Variants in SERPINE3 observed in about 807,000 individuals in gnomAD.
The protein encoded by SERPINE3 is serpin family E member 3, also known as serpin E3.
SERPINE3 carries 43 observed loss-of-function variants against 41.7 expected under a neutral mutation model. The ratio of observed to expected loss-of-function variants is 1.03; its 90% CI spans 0.81 to 1.33. SERPINE3 has a LOEUF of 1.33. Ranked by LOEUF, SERPINE3 falls within the 40% of genes most tolerant of loss-of-function variation. The pLI is 0.00. For missense variants in SERPINE3, 440 were observed against 491.7 expected, an observed-to-expected ratio of 0.89 and a Z score of 0.99; for synonymous variants, 200 against 192.2, an observed-to-expected ratio of 1.04 and a Z score of -0.34.
chr13:51,344,274 G>T lies in SERPINE3; in HGVS notation c.279G>T (p.Leu93Phe). The T allele has an allele frequency of 6.2e-7, 1 of 1,613,866 alleles. No homozygotes were observed. The highest frequency in any genetic ancestry group is 8.5e-7 in the Non-Finnish European group (1 of 1,179,816). Residue 93 changes from leucine to phenylalanine, a missense_variant, in exon 4 of 10, where the codon TTG becomes TTT. Coordinates refer to ENST00000681248, the MANE Select transcript of SERPINE3 (RefSeq NM_001386375.1). ...CAGACAAAAGGGTGAAAGATTTCTT[G>T]CATGCTGTTTATGCCACACTACCCA... The part of the protein sequence containing the change: ...TVHDKRVKDF[L>F]HAVYATLPTS...
rs561107680 is a variant in SERPINE3 at position 51,347,361 on chromosome 13, T to C, written c.700+127T>C. Reference sequence around the variant, plus strand: ...TTTCCGCAGGGTCCATCTGCTGGACTGGGCATGCATGGCGGAAGGAAAGAC... The same window carrying C: ...TTTCCGCAGGGTCCATCTGCTGGACCGGGCATGCATGGCGGAAGGAAAGAC... On this transcript the variant is annotated intron_variant, in intron 5 of 9. Transcript: ENST00000681248. 2.3e-5 allele frequency: 18 copies of C among 768,892 alleles called. No individual in the cohort carries two copies. In the East Asian group the frequency reaches 4.6e-4, roughly 20 times the overall value. 47.6% of individuals were successfully genotyped at this position (768,892 alleles called of 1,614,324 possible).
At chr13:51,351,007 T>C (rs1011382096) in intron 6 of SERPINE3, among the ~76,000 whole-genome samples, 2 of 152,200 alleles carry the variant, frequency 1.3e-5, no homozygotes, top group African/African-American at 2.4e-5. Flanking sequence ...TAATATTCCA[T>C]TGTATTGATA....
chr13:51,341,127 C>T lies in SERPINE3; in HGVS notation c.36C>T (p.His12=). ...PPFLITLFLF[H]SCCLRANGHL... Reference sequence around the variant, plus strand: ...TCCTGATCACCCTCTTCCTCTTTCACTCTTGCTGCCTCCGAGCAAATGGCC... The same window carrying T: ...TCCTGATCACCCTCTTCCTCTTTCATTCTTGCTGCCTCCGAGCAAATGGCC... The change falls in exon 3 of 10, where the codon CAC becomes CAT. Residue 12 remains histidine, a synonymous_variant. Transcript: ENST00000681248. The T allele has an allele frequency of 6.2e-7, 1 of 1,614,054 alleles. No homozygotes were observed. Among genetic ancestry groups the T allele is most frequent in the Non-Finnish European group, 8.5e-7 (1 of 1,179,900 alleles).
chr13:51,358,921 G>A (rs888320741), intron 7 of SERPINE3, among the ~76,000 whole-genome samples: 9 of 152,186 alleles, frequency 5.9e-5, no homozygotes, highest in African/African-American at 2.2e-4. Context: ...ACAGAGAATG[G>A]TGTGGGTGGT....
chr13:51,348,581 C>T (rs1251434899), intron 6 of SERPINE3, 170 bp downstream of exon 6: 2 of 591,732 alleles, frequency 3.4e-6, no homozygotes, highest in African/African-American at 2.0e-5. Context: ...AGTTTGAGTT[C>T]ATTTCAGAGC....
chr13:51,364,279 C>A lies in SERPINE3; in HGVS notation c.1212C>A (p.Asp404Glu), dbSNP rs1157500621. The A allele has an allele frequency of 1.0e-5, 15 of 1,469,252 alleles. No individual in the cohort carries two copies. Among genetic ancestry groups the A allele is most frequent in the Non-Finnish European group, 1.4e-5 (15 of 1,094,070 alleles). 91.0% of individuals were successfully genotyped at this position (1,469,252 alleles called of 1,614,324 possible). ...TTGGGAGAGTTTCAAATCCCCTAGACTAAATGCATGTTCTCCACTTTCATC... is the reference window on the plus strand; with the variant it reads ...TTGGGAGAGTTTCAAATCCCCTAGAATAAATGCATGTTCTCCACTTTCATC... Reference protein sequence around the residue: ...FSIGRVSNPLD With the variant: ...FSIGRVSNPLE Residue 404 changes from aspartate (D) to glutamate (E), a missense_variant, in exon 10 of 10, where the codon GAC (aspartate) becomes GAA (glutamate). Asp to Glu is a conservative substitution (Grantham distance 45). Transcript: ENST00000681248.
At chr13:51,359,594 T>C (rs1955530634) in intron 7 of SERPINE3, among the ~76,000 whole-genome samples, 1 of 152,096 alleles carries the variant, frequency 6.6e-6, no homozygotes, top group Admixed American at 6.6e-5. Flanking sequence ...CTGGTCTCAT[T>C]TCTCACACTG....
intron 1 of SERPINE3, 97 bp downstream of exon 1, chr13:51,339,840 G>A (rs1955273149): frequency 6.6e-6 from 1 of 152,188 alleles, no homozygotes; most frequent in South Asian, 2.1e-4. Flanking sequence ...GTTCTTGTGG[G>A]AGATGGGAGG....
chr13:51,357,421 C>T (rs1443809554), intron 7 of SERPINE3, among the ~76,000 whole-genome samples: 1 of 152,134 alleles, frequency 6.6e-6, no homozygotes, highest in African/African-American at 2.4e-5. Flanking sequence ...TCAGAAAATA[C>T]TGGCCTCTCC....
At chr13:51,351,501 T>G (rs1411658410) in intron 6 of SERPINE3, among the ~76,000 whole-genome samples, 1 of 152,158 alleles carries the variant, frequency 6.6e-6, no homozygotes, top group Non-Finnish European at 1.5e-5. Context: ...CTTTTTATTA[T>G]TGAGTTGTAA....
At position 51,344,377 on chromosome 13, in the gene SERPINE3, G is replaced by A. The variant is rs1445186771; in HGVS notation, c.382G>A (p.Val128Met). 1.2e-6 allele frequency: 2 copies of A among 1,613,148 alleles called. No homozygotes were observed. The highest frequency in any genetic ancestry group is 1.7e-6 in the Non-Finnish European group (2 of 1,179,652). The change falls in exon 4 of 10, where the codon GTG (valine) becomes ATG (methionine). Residue 128 changes from valine to methionine, a missense_variant. Coordinates refer to ENST00000681248, the MANE Select transcript of SERPINE3 (RefSeq NM_001386375.1). ...QVGTPLSPCF[V>M]EHVSWWANSS... Reference sequence around the variant, plus strand: ...GGGAACGCCACTGTCCCCCTGCTTTGTGGAGCACGTCTCCTGGTGGGCTAA... The same window carrying A: ...GGGAACGCCACTGTCCCCCTGCTTTATGGAGCACGTCTCCTGGTGGGCTAA...
At chr13:51,362,193 A>G (rs554603715) in intron 9 of SERPINE3, 5 of 655,088 alleles carry the variant, frequency 7.6e-6, no homozygotes, top group Admixed American at 4.0e-5. Flanking sequence ...AAAAATCATG[A>G]AAGTAAAATA....
intron 4 of SERPINE3, among the ~76,000 whole-genome samples, chr13:51,345,099 A>G (rs773526451): frequency 3.3e-5 from 5 of 152,290 alleles, no homozygotes; most frequent in Non-Finnish European, 5.9e-5. Context: ...TGTTTAGTTT[A>G]TTTAGTTAGC....
At position 51,364,332 on chromosome 13, in the gene SERPINE3, T is replaced by C; in HGVS notation, c.*50T>C. The C allele has an allele frequency of 9.1e-7, 1 of 1,101,514 alleles. No individual in the cohort carries two copies. The highest frequency in any genetic ancestry group is 1.3e-6 in the Non-Finnish European group (1 of 774,776). The allele number at this position is 1,101,514 out of a possible 1,614,324, so 68.2% of individuals were successfully genotyped here. A position where few individuals can be genotyped will look rare whatever the true frequency, so the allele number is the denominator to read the frequency against. On this transcript the variant is annotated 3_prime_UTR_variant, in exon 10 of 10. Transcript: ENST00000681248. ...TGCTTTTCTTCATAAAGTTATAATT[T>C]CATTTTGCTATACCCTTGAAATTTA...
intron 7 of SERPINE3, 24 bp downstream of exon 7, chr13:51,355,167 C>T (rs746094974): frequency 5.9e-6 from 7 of 1,186,514 alleles, no homozygotes; most frequent in South Asian, 2.7e-5. Flanking sequence ...TTCTTCCAAA[C>T]GTTCTAGCCG....
At position 51,341,179 on chromosome 13, in the gene SERPINE3, A is replaced by T; in HGVS notation, c.88A>T (p.Lys30Ter). ...CCTCCGTGAAGGAATGACATTGCTG[A>T]AGACTGAGTTTGCACTTCACCTCTA... Reference protein sequence around the residue: ...GHLREGMTLLKTEFALHLYQS... With the variant: ...GHLREGMTLL The change falls in exon 3 of 10, where the codon AAG (lysine) becomes TAG (stop). Residue 30 changes from lysine (K) to a stop codon, truncating the protein, a stop_gained. Coordinates refer to ENST00000681248, the MANE Select transcript of SERPINE3 (RefSeq NM_001386375.1). LOFTEE classifies it high-confidence loss of function. The T allele has an allele frequency of 6.2e-7, 1 of 1,614,026 alleles. No individual in the cohort carries two copies. The highest frequency in any genetic ancestry group is 8.5e-7 in the Non-Finnish European group (1 of 1,179,884).
intron 7 of SERPINE3, among the ~76,000 whole-genome samples, chr13:51,358,842 C>T (rs1955519697): frequency 6.6e-6 from 1 of 152,016 alleles, no homozygotes; most frequent in Admixed American, 6.6e-5. Context: ...ATTGTAGGAG[C>T]AAGCGAGTTT....
At chr13:51,353,518 G>C (rs1050761406) in intron 6 of SERPINE3, among the ~76,000 whole-genome samples, 4 of 152,168 alleles carry the variant, frequency 2.6e-5, no homozygotes, top group Non-Finnish European at 5.9e-5. Flanking sequence ...CTTGATCCAG[G>C]ATTCAAACTC....
intron 6 of SERPINE3, among the ~76,000 whole-genome samples, chr13:51,353,382 T>G (rs1955429685): frequency 6.6e-6 from 1 of 152,206 alleles, no homozygotes; most frequent in African/African-American, 2.4e-5. Context: ...CAAGGATTCA[T>G]TCATTTAATC....
Sources: gnomAD v4.1 joint callset for allele counts (sites outside exome capture counted in the v4.1 genomes callset) on GRCh38, gnomAD v4.1.1 for gene constraint, MANE v1.5 for transcripts, NCBI Gene and HGNC (gene_info 2026-07-23, HGNC 2026-07-21) for gene names.